PRICKLE1: variants seen among roughly 807,000 people sequenced by gnomAD.
The protein encoded by PRICKLE1 is prickle planar cell polarity protein 1, also known as prickle-like protein 1.
PRICKLE1 carries 14 observed loss-of-function variants against 70.2 expected under a neutral mutation model. The observed-to-expected ratio is 0.20, with a 90% CI of 0.13 to 0.31. PRICKLE1 has a LOEUF of 0.31. PRICKLE1 is among the 10% of genes least tolerant of loss of function. The pLI is 1.00. For synonymous variants in PRICKLE1, 357 were observed against 379.9 expected (o/e 0.94, Z 0.70); for missense variants, 821 against 1,026.2 (o/e 0.80, Z 2.73).
At position 42,589,236 on chromosome 12, in the gene PRICKLE1, T is replaced by C. The variant is rs905695339; in HGVS notation, c.-49+229A>G. ...AAACAGGAGCCATGCGGAGAGCCTC[T>C]GCGGAGCCCTGGCGATGCTGCAGCC... On this transcript the variant is annotated intron_variant, in intron 1 of 7. Coordinates refer to ENST00000345127, the MANE Select transcript of PRICKLE1 (RefSeq NM_153026.3). This position sits in a 1 kb window ranked among gnomAD's most constrained non-coding sequence, Gnocchi z 5.0. 6.6e-6 allele frequency: 1 copy of C among 152,264 alleles called. No individual in the cohort carries two copies. The highest frequency in any genetic ancestry group is 2.4e-5 in the African/African-American group (1 of 41,448). The allele number at this position is 152,264 out of a possible 1,614,324, so 9.4% of individuals were successfully genotyped here.
At chr12:42,583,148 CGT>C (rs68143024) in intron 1 of PRICKLE1, among the ~76,000 whole-genome samples, 104,213 of 148,066 alleles carry the variant, frequency 0.7, 36,310 homozygotes, top group South Asian at 0.88. Context: ...TAGATTGAAA[CGT>C]GTGTGTGTGT....
chr12:42,462,593 C>T (rs960890429), intron 7 of PRICKLE1, among the ~76,000 whole-genome samples: 1 of 152,164 alleles, frequency 6.6e-6, no homozygotes, highest in Non-Finnish European at 1.5e-5. Context: ...CACCATTCTT[C>T]CTCAACTCCC....
At chr12:42,514,088 T>C (rs1193693358) in intron 1 of PRICKLE1, among the ~76,000 whole-genome samples, 4 of 152,196 alleles carry the variant, frequency 2.6e-5, no homozygotes, top group African/African-American at 4.8e-5. Flanking sequence ...GTACATGCAA[T>C]AGCCCCAAGA....
intron 1 of PRICKLE1, among the ~76,000 whole-genome samples, chr12:42,567,518 A>G (rs1417025289): frequency 6.6e-6 from 1 of 152,166 alleles, no homozygotes; most frequent in Non-Finnish European, 1.5e-5. Context: ...AATGTCCAAG[A>G]GAGAAGATAA....
intron 1 of PRICKLE1, among the ~76,000 whole-genome samples, chr12:42,480,433 A>G (rs1039753265): frequency 1.3e-5 from 2 of 152,234 alleles, no homozygotes; most frequent in African/African-American, 4.8e-5. Flanking sequence ...AAAAAAATCT[A>G]TGTAGTAATT....
At chr12:42,570,810 ACT>A (rs1237065714) in intron 1 of PRICKLE1, among the ~76,000 whole-genome samples, 4 of 152,148 alleles carry the variant, frequency 2.6e-5, no homozygotes, top group African/African-American at 9.7e-5. Flanking sequence ...GCAGAGCAAA[ACT>A]CTGTCTCTAA....
chr12:42,493,866 A>AAAAAG (rs1365270720), intron 1 of PRICKLE1, among the ~76,000 whole-genome samples: 1 of 152,086 alleles, frequency 6.6e-6, no homozygotes, highest in African/African-American at 2.4e-5. Context: ...TAAAAAAAAA[A>AAAAAG]AAAAGAAAAG....
chr12:42,462,196 TA>T (rs1937872357), intron 7 of PRICKLE1, among the ~76,000 whole-genome samples: 7 of 151,992 alleles, frequency 4.6e-5, no homozygotes, highest in Admixed American at 4.6e-4. Context: ...AAGTTATGTT[TA>T]ATTCTTTTAT....
intron 1 of PRICKLE1, among the ~76,000 whole-genome samples, chr12:42,570,764 G>A (rs942525724): frequency 1.3e-5 from 2 of 152,162 alleles, no homozygotes; most frequent in African/African-American, 4.8e-5. Context: ...AGGTTGCAGT[G>A]AGCCGAGATT....
intron 1 of PRICKLE1, among the ~76,000 whole-genome samples, chr12:42,477,098 C>T (rs182633235): frequency 1.2e-3 from 183 of 152,032 alleles, no homozygotes; most frequent in African/African-American, 2.9e-3. Context: ...CGTGGCCAGG[C>T]GCAGTAGCTC....
intron 1 of PRICKLE1, among the ~76,000 whole-genome samples, chr12:42,519,810 T>TTTG (rs1200668562): frequency 1.3e-5 from 2 of 152,050 alleles, no homozygotes; most frequent in Non-Finnish European, 2.9e-5. Flanking sequence ...ACTTTGAGTA[T>TTTG]TTGTTGTTGT....
At chr12:42,516,160 C>T (rs955709892) in intron 1 of PRICKLE1, among the ~76,000 whole-genome samples, 4 of 151,844 alleles carry the variant, frequency 2.6e-5, no homozygotes, top group African/African-American at 9.7e-5. Flanking sequence ...GAGACAGAGT[C>T]TCGCTCTGTC....
chr12:42,508,322 T>C (rs980370947), intron 1 of PRICKLE1, among the ~76,000 whole-genome samples: 2 of 152,226 alleles, frequency 1.3e-5, no homozygotes, highest in African/African-American at 4.8e-5. Flanking sequence ...GAATATCCTA[T>C]ACCATTACTT....
At chr12:42,527,128 C>CTTTTTTTT (rs386376309) in intron 1 of PRICKLE1, among the ~76,000 whole-genome samples, 1 of 100,776 alleles carries the variant, frequency 9.9e-6, no homozygotes, top group African/African-American at 4.0e-5. Flanking sequence ...TTTTTTTCCT[C>CTTTTTTTT]TTTTTTTTTT....
chr12:42,471,874 TGTAA>T (rs1037278106), intron 2 of PRICKLE1, among the ~76,000 whole-genome samples: 5 of 152,198 alleles, frequency 3.3e-5, no homozygotes, highest in Non-Finnish European at 7.3e-5. Context: ...ATCCCTGTGG[TGTAA>T]GTGACAGGCT....
At chr12:42,510,156 G>A (rs1006323975) in intron 1 of PRICKLE1, among the ~76,000 whole-genome samples, 11 of 151,698 alleles carry the variant, frequency 7.3e-5, no homozygotes, top group Non-Finnish European at 1.3e-4. Context: ...GTGCAGTGGC[G>A]CCATCTCTGC....
At chr12:42,570,853 G>GT (rs1940699484) in intron 1 of PRICKLE1, among the ~76,000 whole-genome samples, 1 of 152,000 alleles carries the variant, frequency 6.6e-6, no homozygotes, top group Admixed American at 6.6e-5. Context: ...TCTGTATTCA[G>GT]TAAGTTCTTG....
Position 42,549,428 on chromosome 12 carries a change from T to C in PRICKLE1, c.-49+40037A>G, listed in dbSNP as rs939471137. ...TATCTTGACATAGTTTCAGGAGTCA[T>C]GTGCAGAGTTCTCAGGTTAGGGTTT... On this transcript the variant is annotated intron_variant, in intron 1 of 7. Coordinates refer to ENST00000345127, the MANE Select transcript of PRICKLE1 (RefSeq NM_153026.3). 1.3e-5 allele frequency among the ~76,000 whole-genome samples: 2 copies of C among 152,182 alleles called. 1 individual carries two copies. Among genetic ancestry groups the C allele is most frequent in the Middle Eastern group, 6.3e-3 (2 of 316 alleles).
chr12:42,576,375 C>T (rs1222196848), intron 1 of PRICKLE1, among the ~76,000 whole-genome samples: 1 of 152,228 alleles, frequency 6.6e-6, no homozygotes, highest in Admixed American at 6.5e-5. Context: ...TAAAGCATCT[C>T]TGCAAAAGTG....
Sources: allele counts gnomAD v4.1 joint callset (sites outside exome capture counted in the v4.1 genomes callset), GRCh38; gene constraint gnomAD v4.1.1; non-coding constraint Gnocchi (gnomAD v3.1); transcripts MANE v1.5; gene names NCBI Gene and HGNC (gene_info 2026-07-23, HGNC 2026-07-21).